The following PRRT3 variants were observed in gnomAD, a reference collection of about 807,000 sequenced individuals.
PRRT3 encodes proline-rich transmembrane protein 3.
A neutral mutation model predicts 56.6 loss-of-function variants in PRRT3; 48 were observed. The observed-to-expected ratio is 0.85, with a 90% CI of 0.67 to 1.08. The LOEUF (loss-of-function observed/expected upper bound fraction) is 1.08. Among genes scored for constraint, PRRT3 ranks in the 50% least tolerant of loss-of-function variants. The probability of loss-of-function intolerance (pLI) is 0.00; values close to 1 mark genes in which losing one functional copy is unlikely to be tolerated. For synonymous variants in PRRT3, 641 were observed against 619.1 expected (o/e 1.04, Z -0.52); for missense variants, 1,370 against 1,353.1 (o/e 1.01, Z -0.20).
chr3:9,947,952 G>C lies in PRRT3; in HGVS notation c.1221C>G (p.Pro407=), dbSNP rs767907174. 1.4e-6 allele frequency: 2 copies of C among 1,384,660 alleles called. No individual in the cohort carries two copies. Among genetic ancestry groups the C allele is most frequent in the Non-Finnish European group, 1.9e-6 (2 of 1,072,470 alleles). 85.8% of individuals were successfully genotyped at this position (1,384,660 alleles called of 1,614,324 possible). A position where few individuals can be genotyped will look rare whatever the true frequency, so the allele number is the denominator to read the frequency against. ...PGRPQSHPPA[P]PVQAPSTSRR... is the part of the protein sequence containing the mutation. ...GTGACGTCGAGGGGGCCTGGACTGG[G>C]GGTGCTGGGGGATGGCTTTGGGGGC... The change falls in exon 4 of 4, where the codon CCC becomes CCG. Residue 407 remains proline (P), a synonymous_variant. Transcript: ENST00000412055. This position sits in a 1 kb window ranked among gnomAD's most constrained non-coding sequence, Gnocchi z 9.2.
In PRRT3 at chr3:9,946,963, T is replaced by C. The variant is rs2085535843; in HGVS notation, c.2210A>G (p.Tyr737Cys). The change falls in exon 4 of 4, where the codon TAT becomes TGT. Residue 737 changes from tyrosine to cysteine, a missense_variant. By Grantham distance (194) the Tyr-to-Cys change is radical. Transcript: ENST00000412055. This position sits in a 1 kb window ranked among gnomAD's most constrained non-coding sequence, Gnocchi z 4.1. ...SEVPERPNNCYAGPSNVGAGS... is the reference protein window; with the variant it reads ...SEVPERPNNCCAGPSNVGAGS... ...TGCACCAACGTTGCTGGGCCCTGCATAGCAGTTATTGGGTCGCTCCGGCAC... is the reference window on the plus strand; with the variant it reads ...TGCACCAACGTTGCTGGGCCCTGCACAGCAGTTATTGGGTCGCTCCGGCAC... 1 of 1,543,892 alleles carries C rather than the reference T, an allele frequency of 6.5e-7. No homozygotes were observed. The highest frequency in any genetic ancestry group is 2.4e-5 in the East Asian group (1 of 41,808).
Position 9,945,932 on chromosome 3 carries a change from C to G in PRRT3, c.*295G>C, listed in dbSNP as rs373638602. 4 of 232,230 alleles carry G rather than the reference C, an allele frequency of 1.7e-5. No individual in the cohort carries two copies. The highest frequency in any genetic ancestry group is 1.0e-4 in the African/African-American group (4 of 39,640). 14.4% of individuals were successfully genotyped at this position (232,230 alleles called of 1,614,324 possible). A position where few individuals can be genotyped will look rare whatever the true frequency, so the allele number is the denominator to read the frequency against. ...TCACTGCAACCTCTGCCTCCCTGTT[C>G]AAGCAATTCTCCCGCCTCAGCCTCC... On this transcript the variant is annotated 3_prime_UTR_variant, in exon 4 of 4. Coordinates refer to ENST00000412055, the MANE Select transcript of PRRT3 (RefSeq NM_207351.5).
Position 9,946,303 on chromosome 3 carries a change from T to TC in PRRT3, c.2869dup (p.Asp957GlyfsTer21). The TC allele has an allele frequency of 6.2e-7, 1 of 1,612,212 alleles. No homozygotes were observed. The highest frequency in any genetic ancestry group is 8.5e-7 in the Non-Finnish European group (1 of 1,179,672). ...GCGCGGCTGGACCTCTCCCTGGCCG[T>TC]CCCCCTGCCGAGCGGCGGTAGAATC... On this transcript the variant is annotated frameshift_variant, in exon 4 of 4. Coordinates refer to ENST00000412055, the MANE Select transcript of PRRT3 (RefSeq NM_207351.5). LOFTEE classifies it high-confidence loss of function. This position sits in a 1 kb window ranked among gnomAD's most constrained non-coding sequence, Gnocchi z 4.1.
At position 9,946,638 on chromosome 3, in the gene PRRT3, T is replaced by TCCAGGCGGCGGGGAGG; in HGVS notation, c.2519_2534dup (p.Gly846LeufsTer93). 2 of 1,395,596 alleles carry TCCAGGCGGCGGGGAGG rather than the reference T, an allele frequency of 1.4e-6. No homozygotes were observed. The highest frequency in any genetic ancestry group is 1.8e-6 in the Non-Finnish European group (2 of 1,084,422). 86.5% of individuals were successfully genotyped at this position (1,395,596 alleles called of 1,614,324 possible). A position where few individuals can be genotyped will look rare whatever the true frequency, so the allele number is the denominator to read the frequency against. ...TGCCCCGGCGCGGCCGCAGAGCGCC[T>TCCAGGCGGCGGGGAGG]CCAGGCGGCGGGGAGGCCAGGCCGC... On this transcript the variant is annotated frameshift_variant, in exon 4 of 4. Coordinates refer to ENST00000412055, the MANE Select transcript of PRRT3 (RefSeq NM_207351.5). LOFTEE classifies it low-confidence loss of function (END_TRUNC). The surrounding 1 kb of genome is among the most constrained non-coding windows in gnomAD (Gnocchi z 4.1).
At position 9,949,481 on chromosome 3, in the gene PRRT3, A is replaced by G; in HGVS notation, c.635T>C (p.Val212Ala). ...CCTCTTGACAGTACCTGAGTGGGAA[A>G]CAAGGGTGTGGGGTGGGCCCTGGTG... is the stretch of plus-strand genomic sequence containing the variant. Reference protein sequence around the residue: ...SDHQGPPHTLVSHSGTVKRPV... With the variant: ...SDHQGPPHTLASHSGTVKRPV... Residue 212 changes from valine to alanine, a missense_variant, in exon 2 of 4, where the codon GTT becomes GCT. Val to Ala is a moderately conservative substitution (Grantham distance 64, BLOSUM62 0). Coordinates refer to ENST00000412055, the MANE Select transcript of PRRT3 (RefSeq NM_207351.5). This position sits in a 1 kb window ranked among gnomAD's most constrained non-coding sequence, Gnocchi z 4.5. 3.7e-6 allele frequency: 6 copies of G among 1,614,044 alleles called. No individual in the cohort carries two copies. The highest frequency in any genetic ancestry group is 5.1e-6 in the Non-Finnish European group (6 of 1,180,002).
At chr3:9,948,477 C>T (rs779997916) in intron 3 of PRRT3, 15 of 509,150 alleles carry the variant, frequency 2.9e-5, no homozygotes, top group Non-Finnish European at 4.8e-5. Flanking sequence ...CAGGTATGCA[C>T]CACCACGCCC....
Position 9,946,552 on chromosome 3 carries a change from G to T in PRRT3, c.2621C>A (p.Ser874Ter), listed in dbSNP as rs1475863510. The change falls in exon 4 of 4, where the codon TCG (serine) becomes TAG (stop). Residue 874 changes from serine (S) to a stop codon, truncating the protein, a stop_gained. Coordinates refer to ENST00000412055, the MANE Select transcript of PRRT3 (RefSeq NM_207351.5). LOFTEE classifies it low-confidence loss of function (END_TRUNC). This position sits in a 1 kb window ranked among gnomAD's most constrained non-coding sequence, Gnocchi z 4.1. ...GSSLLRGRCR[S>*]LSDVRVRGPV... The stretch of plus-strand genomic sequence containing the variant: ...CCCGCGCACGCGCACGTCGCTGAGC[G>T]ACCTGCAGCGGCCGCGGAGGAGCGA... 7.0e-7 allele frequency: 1 copy of T among 1,430,822 alleles called. No homozygotes were observed. The highest frequency in any genetic ancestry group is 2.9e-5 in the East Asian group (1 of 34,788). 88.6% of individuals were successfully genotyped at this position (1,430,822 alleles called of 1,614,324 possible). A position where few individuals can be genotyped will look rare whatever the true frequency, so the allele number is the denominator to read the frequency against.
rs1436427930 is a variant in PRRT3, at chr3:9,947,324, G to A, written c.1849C>T (p.Leu617Phe). 1 of 1,603,436 alleles carries A rather than the reference G, an allele frequency of 6.2e-7. No homozygotes were observed. Among genetic ancestry groups the A allele is most frequent in the Non-Finnish European group, 8.5e-7 (1 of 1,176,884 alleles). Residue 617 changes from leucine (L) to phenylalanine (F), a missense_variant, in exon 4 of 4, where the codon CTC (leucine) becomes TTC (phenylalanine). Transcript: ENST00000412055. This position sits in a 1 kb window ranked among gnomAD's most constrained non-coding sequence, Gnocchi z 9.2. Reference sequence around the variant, plus strand: ...AGCAGGCGGCGACGGCACAGGCAGAGCGTGCCCAGAGCCACGGCCGCGCCC... The same window carrying A: ...AGCAGGCGGCGACGGCACAGGCAGAACGTGCCCAGAGCCACGGCCGCGCCC... ...AWGAAVALGT[L>F]CLCRRRLLDG...
In PRRT3 at chr3:9,945,941, C is replaced by A. The variant is rs2085509464; in HGVS notation, c.*286G>T. ...CCTCTGCCTCCCTGTTCAAGCAATTCTCCCGCCTCAGCCTCCCGAGTAGCT... is the reference window on the plus strand; with the variant it reads ...CCTCTGCCTCCCTGTTCAAGCAATTATCCCGCCTCAGCCTCCCGAGTAGCT... On this transcript the variant is annotated 3_prime_UTR_variant, in exon 4 of 4. Transcript: ENST00000412055. The A allele has an allele frequency of 3.7e-6, 1 of 269,132 alleles. No homozygotes were observed. The highest frequency in any genetic ancestry group is 5.4e-5 in the Admixed American group (1 of 18,508). The allele number at this position is 269,132 out of a possible 1,614,324, so 16.7% of individuals were successfully genotyped here.
In PRRT3 at chr3:9,946,652, A is replaced by G. The variant is rs1418251842; in HGVS notation, c.2521T>C (p.Ser841Pro). Reference protein sequence around the residue: ...FQRCGLRGLASPPPGGALRPR... With the variant: ...FQRCGLRGLAPPPPGGALRPR... Reference sequence around the variant, plus strand: ...CGCAGAGCGCCTCCAGGCGGCGGGGAGGCCAGGCCGCGGAGGCCGCAGCGC... The same window carrying G: ...CGCAGAGCGCCTCCAGGCGGCGGGGGGGCCAGGCCGCGGAGGCCGCAGCGC... The change falls in exon 4 of 4, where the codon TCC (serine) becomes CCC (proline). Residue 841 changes from serine to proline, a missense_variant. Ser to Pro is a moderately conservative substitution (Grantham distance 74). Coordinates refer to ENST00000412055, the MANE Select transcript of PRRT3 (RefSeq NM_207351.5). The surrounding 1 kb of genome is among the most constrained non-coding windows in gnomAD (Gnocchi z 4.1). The G allele has an allele frequency of 1.4e-6, 2 of 1,397,040 alleles. No homozygotes were observed. The highest frequency in any genetic ancestry group is 1.6e-5 in the South Asian group (1 of 62,380). 86.5% of individuals were successfully genotyped at this position (1,397,040 alleles called of 1,614,324 possible).
chr3:9,947,652 C>G lies in PRRT3; in HGVS notation c.1521G>C (p.Ala507=), dbSNP rs370105331. Residue 507 remains alanine, a synonymous_variant, in exon 4 of 4, where the codon GCG becomes GCC. Coordinates refer to ENST00000412055, the MANE Select transcript of PRRT3 (RefSeq NM_207351.5). This position sits in a 1 kb window ranked among gnomAD's most constrained non-coding sequence, Gnocchi z 9.2. The part of the protein sequence containing the change: ...PAGPRLALVA[A]VLVLVASALR... ...GCGCCGAAGCCACGAGCACCAGCAC[C>G]GCGGCCACCAATGCCAGCCGGGGCC... 16 of 1,571,044 alleles carry G rather than the reference C, an allele frequency of 1.0e-5. No homozygotes were observed. The highest frequency in any genetic ancestry group is 1.4e-5 in the Non-Finnish European group (16 of 1,160,298).
In PRRT3 at chr3:9,947,878, G is replaced by A. The variant is rs1333867740; in HGVS notation, c.1295C>T (p.Pro432Leu). 1.4e-6 allele frequency: 2 copies of A among 1,428,940 alleles called. No homozygotes were observed. The highest frequency in any genetic ancestry group is 5.4e-5 in the East Asian group (2 of 36,956). The allele number at this position is 1,428,940 out of a possible 1,614,324, so 88.5% of individuals were successfully genotyped here. Residue 432 changes from proline (P) to leucine (L), a missense_variant, in exon 4 of 4, where the codon CCC becomes CTC. By Grantham distance (98) the Pro-to-Leu change is moderately conservative. Coordinates refer to ENST00000412055, the MANE Select transcript of PRRT3 (RefSeq NM_207351.5). The surrounding 1 kb of genome is among the most constrained non-coding windows in gnomAD (Gnocchi z 9.2). ...VTTQRALGQP[P>L]PPEPTASSMA... ...GGAGCTGGCGGTGGGCTCCGGAGGG[G>A]GAGGCTGGCCCAGGGCTCGCTGCGT...
rs1337452711 is a variant in PRRT3 at position 9,949,897 on chromosome 3, A to G, written c.219T>C (p.Ser73=). The G allele has an allele frequency of 1.2e-6, 2 of 1,613,144 alleles. No individual in the cohort carries two copies. The highest frequency in any genetic ancestry group is 1.7e-5 in the Admixed American group (1 of 59,888). The stretch of plus-strand genomic sequence containing the variant: ...CTTCAGCAGGGGCGTGGCGGACATC[A>G]GAGTTCCTGTGACTGTCAGCTCTGG... ...ENPRADSHRN[S]DVRHAPAEEM... Residue 73 remains serine (S), a synonymous_variant, in exon 2 of 4, where the codon TCT becomes TCC. Transcript: ENST00000412055. The surrounding 1 kb of genome is among the most constrained non-coding windows in gnomAD (Gnocchi z 4.5).
chr3:9,947,269 G>C lies in PRRT3; in HGVS notation c.1904C>G (p.Pro635Arg). The C allele has an allele frequency of 1.3e-6, 2 of 1,524,202 alleles. No homozygotes were observed. The highest frequency in any genetic ancestry group is 1.7e-6 in the Non-Finnish European group (2 of 1,143,028). 94.4% of individuals were successfully genotyped at this position (1,524,202 alleles called of 1,614,324 possible). A position where few individuals can be genotyped will look rare whatever the true frequency, so the allele number is the denominator to read the frequency against. ...LDGPRGWDAS[P>R]GPRLLAVAGA... ...CGCCACAGCCAACAGCCGAGGGCCC[G>C]GGCTGGCATCCCAGCCCCGTGGGCC... Residue 635 changes from proline (P) to arginine (R), a missense_variant, in exon 4 of 4, where the codon CCG becomes CGG. Transcript: ENST00000412055. The surrounding 1 kb of genome is among the most constrained non-coding windows in gnomAD (Gnocchi z 9.2).
In PRRT3 at chr3:9,947,806, G is replaced by A. The variant is rs2085554703; in HGVS notation, c.1367C>T (p.Pro456Leu). 6 of 1,450,942 alleles carry A rather than the reference G, an allele frequency of 4.1e-6. No individual in the cohort carries two copies. The highest frequency in any genetic ancestry group is 5.8e-5 in the Admixed American group (2 of 34,198). The allele number at this position is 1,450,942 out of a possible 1,614,324, so 89.9% of individuals were successfully genotyped here. A position where few individuals can be genotyped will look rare whatever the true frequency, so the allele number is the denominator to read the frequency against. Residue 456 changes from proline (P) to leucine (L), a missense_variant, in exon 4 of 4, where the codon CCC becomes CTC. Pro to Leu is a moderately conservative substitution (Grantham distance 98). Coordinates refer to ENST00000412055, the MANE Select transcript of PRRT3 (RefSeq NM_207351.5). This position sits in a 1 kb window ranked among gnomAD's most constrained non-coding sequence, Gnocchi z 9.2. ...CCGAAGGGGGCCCCAGCGTAGCGGG[G>A]GTGCAGTGGCGTTGGCTGGGGGGCT... is the stretch of plus-strand genomic sequence containing the variant. ...ASSPPANATA[P>L]PLRWGPLRRV...
At chr3:9,950,200 C>T in intron 1 of PRRT3, 28 bp from the exon 2 acceptor site, 4 of 1,220,552 alleles carry the variant, frequency 3.3e-6, no homozygotes, top group Non-Finnish European at 4.2e-6. Flanking sequence ...CATGGAATGA[C>T]ATGTGAGGGC....
rs1465636178 is a variant in PRRT3 at position 9,947,099 on chromosome 3, C to G, written c.2074G>C (p.Ala692Pro). ...LRLLELTWAL[A>P]LALAAVAAAR... ...GCAGCCACCGCGGCCAACGCCAGGG[C>G]GAGCGCCCATGTCAGCTCCAGGAGG... is the stretch of plus-strand genomic sequence containing the variant. Residue 692 changes from alanine to proline, a missense_variant, in exon 4 of 4, where the codon GCC (alanine) becomes CCC (proline). By Grantham distance (27) the Ala-to-Pro change is conservative. Coordinates refer to ENST00000412055, the MANE Select transcript of PRRT3 (RefSeq NM_207351.5). This position sits in a 1 kb window ranked among gnomAD's most constrained non-coding sequence, Gnocchi z 9.2. The G allele has an allele frequency of 6.5e-7, 1 of 1,536,756 alleles. No individual in the cohort carries two copies. The highest frequency in any genetic ancestry group is 8.7e-7 in the Non-Finnish European group (1 of 1,146,684).
At position 9,949,882 on chromosome 3, in the gene PRRT3, G is replaced by T. The variant is rs749383627; in HGVS notation, c.234C>A (p.Ala78=). ...DSHRNSDVRH[A]PAEEMPEKPV... is the part of the protein sequence containing the mutation. The stretch of plus-strand genomic sequence containing the variant: ...GCTTCTCAGGCATCTCTTCAGCAGG[G>T]GCGTGGCGGACATCAGAGTTCCTGT... Residue 78 remains alanine (A), a synonymous_variant, in exon 2 of 4, where the codon GCC becomes GCA. Transcript: ENST00000412055. This position sits in a 1 kb window ranked among gnomAD's most constrained non-coding sequence, Gnocchi z 4.5. The T allele has an allele frequency of 6.2e-7, 1 of 1,613,520 alleles. No homozygotes were observed. The highest frequency in any genetic ancestry group is 1.1e-5 in the South Asian group (1 of 91,052).
Position 9,949,283 on chromosome 3 carries a change from A to C in PRRT3, c.833T>G (p.Leu278Arg). 1.2e-6 allele frequency: 2 copies of C among 1,608,882 alleles called. No individual in the cohort carries two copies. The highest frequency in any genetic ancestry group is 1.7e-6 in the Non-Finnish European group (2 of 1,176,424). The change falls in exon 2 of 4, where the codon CTT (leucine) becomes CGT (arginine). Residue 278 changes from leucine to arginine, a missense_variant. By Grantham distance (102) the Leu-to-Arg change is moderately radical. Coordinates refer to ENST00000412055, the MANE Select transcript of PRRT3 (RefSeq NM_207351.5). This position sits in a 1 kb window ranked among gnomAD's most constrained non-coding sequence, Gnocchi z 4.5. ...AQPDLALARSLPPAEELPVET... is the reference protein window; with the variant it reads ...AQPDLALARSRPPAEELPVET... ...AACCGGCAGCTCCTCAGCAGGAGGA[A>C]GGCTTCTGGCCAATGCCAAGTCTGG... is the stretch of plus-strand genomic sequence containing the variant.
Sources: allele counts gnomAD v4.1 joint callset, GRCh38; gene constraint gnomAD v4.1.1; non-coding constraint Gnocchi (gnomAD v3.1); transcripts MANE v1.5; gene names NCBI Gene and HGNC (gene_info 2026-07-23, HGNC 2026-07-21).